The following ELF2 variants were observed in gnomAD, a reference collection of about 807,000 sequenced individuals.
ELF2 encodes ETS-related transcription factor Elf-2.
In ELF2, 11 loss-of-function variants were observed where a neutral mutation model predicts 54.8. The ratio of observed to expected loss-of-function variants is 0.20; its 90% CI spans 0.13 to 0.33. The LOEUF is 0.33. Ranked by LOEUF, ELF2 falls within the 10% of genes least tolerant of loss-of-function variation. The pLI, the probability that ELF2 is intolerant of heterozygous loss-of-function variation, is 1.00. For synonymous variants in ELF2, 203 were observed against 245.1 expected (o/e 0.83, Z 1.61); for missense variants, 513 against 703.0 (o/e 0.73, Z 3.06).
intron 4 of ELF2, among the ~76,000 whole-genome samples, chr4:139,112,131 C>T (rs1017753801): frequency 1.3e-5 from 2 of 152,004 alleles, no homozygotes; most frequent in African/African-American, 4.8e-5. Context: ...TTGCCTCTTA[C>T]ACCTCATTTT....
intron 4 of ELF2, among the ~76,000 whole-genome samples, chr4:139,098,145 G>A (rs977127063): frequency 2.0e-5 from 3 of 152,108 alleles, no homozygotes; most frequent in Non-Finnish European, 2.9e-5. Context: ...TCCAATTTAC[G>A]AAGTTTGTTA....
chr4:139,155,377 G>A (rs1740423205), intron 1 of ELF2: 1 of 152,228 alleles, frequency 6.6e-6, no homozygotes, highest in Admixed American at 6.5e-5. Context: ...ATGCTGATCA[G>A]TAGTGGAATC....
Position 139,125,988 on chromosome 4 carries a change from C to T in ELF2, c.73-659G>A, listed in dbSNP as rs149679051. 7.0e-3 allele frequency among the ~76,000 whole-genome samples: 1,067 copies of T among 152,150 alleles called. 16 individuals carry two copies. Among genetic ancestry groups the T allele is most frequent in the African/African-American group, 0.025 (1,023 of 41,504 alleles). On this transcript the variant is annotated intron_variant, in intron 3 of 9. Coordinates refer to ENST00000686138, the MANE Select transcript of ELF2 (RefSeq NM_001331036.3). Reference sequence around the variant, plus strand: ...TAGCATCTTTGAGGCATAATAGGCACAGTTGTTAGCATCATACTCTACCCA... The same window carrying T: ...TAGCATCTTTGAGGCATAATAGGCATAGTTGTTAGCATCATACTCTACCCA...
chr4:139,137,574 G>C, intron 3 of ELF2, 56 bp downstream of exon 3: 1 of 1,544,460 alleles, frequency 6.5e-7, no homozygotes, highest in Non-Finnish European at 8.9e-7. Context: ...TTCAAAATTA[G>C]TTCATGCACA....
At chr4:139,138,585 T>C (rs978947905) in intron 2 of ELF2, among the ~76,000 whole-genome samples, 8 of 152,226 alleles carry the variant, frequency 5.3e-5, no homozygotes, top group African/African-American at 1.7e-4. Flanking sequence ...CAAAAGATTA[T>C]TGATCCTTAA....
chr4:139,066,776 C>T (rs1430838406), intron 7 of ELF2: 1 of 151,420 alleles, frequency 6.6e-6, no homozygotes, highest in African/African-American at 2.4e-5. Flanking sequence ...GCGTGTAGTC[C>T]CAGCTACTTG....
chr4:139,110,565 A>C (rs1695761799), intron 4 of ELF2, among the ~76,000 whole-genome samples: 1 of 152,354 alleles, frequency 6.6e-6, no homozygotes, highest in Non-Finnish European at 1.5e-5. Context: ...GAAAATTATA[A>C]AGAAATCTGG....
intron 4 of ELF2, among the ~76,000 whole-genome samples, chr4:139,099,029 A>C (rs1733601565): frequency 6.6e-6 from 1 of 152,264 alleles, no homozygotes; most frequent in African/African-American, 2.4e-5. Flanking sequence ...TCCCAAAGTT[A>C]GTATTTTGAA....
Position 139,060,504 on chromosome 4 carries a change from G to C in ELF2, c.977C>G (p.Ser326Cys). 1 of 1,614,224 alleles carries C rather than the reference G, an allele frequency of 6.2e-7. No homozygotes were observed. Among genetic ancestry groups the C allele is most frequent in the Non-Finnish European group, 8.5e-7 (1 of 1,180,042 alleles). Reference sequence around the variant, plus strand: ...TGCTGCTTTCAGGAGACTTTCTGCAGACAGTGACACTCGTTCTAATGATTT... The same window carrying C: ...TGCTGCTTTCAGGAGACTTTCTGCACACAGTGACACTCGTTCTAATGATTT... ...DEKSLERVSL[S>C]AESLLKAASS... is the part of the protein sequence containing the mutation. Residue 326 changes from serine (S) to cysteine (C), a missense_variant, in exon 9 of 10, where the codon TCT (serine) becomes TGT (cysteine). By Grantham distance (112) the Ser-to-Cys change is moderately radical (BLOSUM62 -1). Around this residue, in one of 3 missense-constraint regions of ELF2, gnomAD observed 291 missense variants for 366.1 expected, o/e 0.79. Transcript: ENST00000686138.
At chr4:139,070,924 T>C (rs1190435412) in intron 6 of ELF2, among the ~76,000 whole-genome samples, 1 of 152,204 alleles carries the variant, frequency 6.6e-6, no homozygotes, top group Non-Finnish European at 1.5e-5. Flanking sequence ...CCCACCTTTA[T>C]TTTTGCATTT....
intron 4 of ELF2, among the ~76,000 whole-genome samples, chr4:139,109,954 C>A (rs1292526294): frequency 6.6e-6 from 1 of 152,164 alleles, no homozygotes; most frequent in Non-Finnish European, 1.5e-5. Context: ...ACTCTCGTAA[C>A]AAACCTGCAC....
intron 2 of ELF2, among the ~76,000 whole-genome samples, chr4:139,138,212 A>C (rs1240488731): frequency 6.6e-6 from 1 of 152,132 alleles, no homozygotes; most frequent in African/African-American, 2.4e-5. Flanking sequence ...AGGTCAAGAG[A>C]TCGAGACCAC....
At chr4:139,062,180 T>G in intron 7 of ELF2, 123 bp from the exon 8 acceptor site, 8 of 1,086,782 alleles carry the variant, frequency 7.4e-6, no homozygotes, top group Non-Finnish European at 1.0e-5. Context: ...TCTACTTTTT[T>G]TTTTTTTGGA....
chr4:139,087,591 G>T (rs1398437777), intron 4 of ELF2, among the ~76,000 whole-genome samples: 3 of 152,022 alleles, frequency 2.0e-5, no homozygotes, highest in Admixed American at 1.3e-4. Context: ...TCAGCCTCCC[G>T]AGTAGCTGGG....
At chr4:139,148,656 T>C (rs1428568275) in intron 1 of ELF2, among the ~76,000 whole-genome samples, 1 of 141,362 alleles carries the variant, frequency 7.1e-6, no homozygotes, top group Non-Finnish European at 1.5e-5. Flanking sequence ...ATGTTTCTAC[T>C]TTTTTTTTTT....
chr4:139,084,257 G>A (rs1342886782), intron 4 of ELF2: 3 of 1,607,456 alleles, frequency 1.9e-6, no homozygotes, highest in East Asian at 2.2e-5. Flanking sequence ...GGCAGGGGAG[G>A]AGGCGGAACC....
At chr4:139,149,581 T>C (rs1739639201) in intron 1 of ELF2, among the ~76,000 whole-genome samples, 2 of 152,070 alleles carry the variant, frequency 1.3e-5, no homozygotes. Context: ...ACCACTGCAC[T>C]CCAGCCTGGG....
chr4:139,165,058 T>C (rs150761001), intron 1 of ELF2, among the ~76,000 whole-genome samples: 41 of 152,360 alleles, frequency 2.7e-4, no homozygotes, highest in African/African-American at 9.9e-4. Flanking sequence ...GCAGGAAGTT[T>C]TCTTTGCCTT....
chr4:139,158,666 G>A (rs1001220514), intron 1 of ELF2, among the ~76,000 whole-genome samples: 3 of 152,070 alleles, frequency 2.0e-5, no homozygotes, highest in South Asian at 2.1e-4. Context: ...GCCTGGATAC[G>A]GTTTTGTATG....
Sources: gnomAD v4.1 joint callset for allele counts (sites outside exome capture counted in the v4.1 genomes callset) on GRCh38, gnomAD v4.1.1 for gene constraint, gnomAD v4.1.1 regional missense constraint, MANE v1.5 for transcripts, NCBI Gene and HGNC (gene_info 2026-07-23, HGNC 2026-07-21) for gene names.